The following PLEKHA5 variants were observed in gnomAD, a reference collection of about 807,000 sequenced individuals.
PLEKHA5 encodes pleckstrin homology domain-containing family A member 5.
A neutral mutation model predicts 181.9 loss-of-function variants in PLEKHA5; 55 were observed. The ratio of observed to expected loss-of-function variants is 0.30; its 90% CI spans 0.24 to 0.38. PLEKHA5 has a LOEUF of 0.38. Ranked by LOEUF, PLEKHA5 falls within the 10% of genes least tolerant of loss-of-function variation. The probability of loss-of-function intolerance (pLI) is 1.00; values close to 1 mark genes in which losing one functional copy is unlikely to be tolerated. For synonymous variants in PLEKHA5, 535 were observed against 529.4 expected (o/e 1.01, Z -0.15); for missense variants, 1,432 against 1,549.5 (o/e 0.92, Z 1.27).
chr12:19,133,822 A>G (rs1007210133), intron 3 of PLEKHA5, among the ~76,000 whole-genome samples: 1 of 152,030 alleles, frequency 6.6e-6, no homozygotes, highest in Non-Finnish European at 1.5e-5. Context: ...CTAAAAAAAT[A>G]CTTGAGTGAA....
chr12:19,245,957 A>T (rs2152484991), intron 3 of PLEKHA5, among the ~76,000 whole-genome samples: 1 of 151,028 alleles, frequency 6.6e-6, no homozygotes, highest in East Asian at 2.0e-4. Context: ...GGTTTAAAGA[A>T]TATATCTCAT....
intron 3 of PLEKHA5, among the ~76,000 whole-genome samples, chr12:19,146,668 C>T (rs2039001719): frequency 6.6e-6 from 1 of 152,082 alleles, no homozygotes; most frequent in African/African-American, 2.4e-5. Flanking sequence ...CAGTGGAAAG[C>T]CCAGTGTGCA....
At chr12:19,203,960 C>G (rs2054794486) in intron 3 of PLEKHA5, among the ~76,000 whole-genome samples, 1 of 152,050 alleles carries the variant, frequency 6.6e-6, no homozygotes, top group Admixed American at 6.6e-5. Context: ...ACCGCACCCC[C>G]ATACATACAG....
Position 19,269,852 on chromosome 12 carries a change from A to G in PLEKHA5, c.794A>G (p.Asp265Gly). 6.2e-7 allele frequency: 1 copy of G among 1,601,832 alleles called. No homozygotes were observed. The highest frequency in any genetic ancestry group is 8.6e-7 in the Non-Finnish European group (1 of 1,168,808). Residue 265 changes from aspartate to glycine, a missense_variant, in exon 9 of 32, where the codon GAT becomes GGT. By Grantham distance (94) the Asp-to-Gly change is moderately conservative. Around this residue, in one of 2 missense-constraint regions of PLEKHA5, gnomAD observed 289 missense variants for 381.1 expected, o/e 0.76. Coordinates refer to ENST00000429027, the MANE Select transcript of PLEKHA5 (RefSeq NM_001256470.2). ...GAGTTGTGGATGAAAGCCATGTTAGATGCTGCCCTAGTACAGACAGAACCT... is the reference window on the plus strand; with the variant it reads ...GAGTTGTGGATGAAAGCCATGTTAGGTGCTGCCCTAGTACAGACAGAACCT... ...EMELWMKAMLDAALVQTEPVK... is the reference protein window; with the variant it reads ...EMELWMKAMLGAALVQTEPVK...
chr12:19,355,090 G>A (rs2094851515), intron 26 of PLEKHA5, among the ~76,000 whole-genome samples: 1 of 152,096 alleles, frequency 6.6e-6, no homozygotes. Flanking sequence ...AGAAATGTGA[G>A]TTGGAACTAG....
rs747814408 is a variant in PLEKHA5 at position 19,359,397 on chromosome 12, A to G, written c.3349-15A>G. ...CACAGTATGAGTATAAAAATGCTAT[A>G]TGTCTTTTGAGCAGACTCGAAGGAG... is the stretch of plus-strand genomic sequence containing the variant. On this transcript the variant is annotated splice_polypyrimidine_tract_variant and intron_variant, in intron 27 of 31. Transcript: ENST00000429027. 4 of 1,609,428 alleles carry G rather than the reference A, an allele frequency of 2.5e-6. No homozygotes were observed. In the Admixed American group the frequency reaches 6.7e-5, roughly 27 times the overall value.
intron 3 of PLEKHA5, among the ~76,000 whole-genome samples, chr12:19,210,131 A>G (rs1027809195): frequency 6.6e-6 from 1 of 152,186 alleles, no homozygotes; most frequent in African/African-American, 2.4e-5. Flanking sequence ...TCAGTTATTT[A>G]GGGATGGACT....
intron 3 of PLEKHA5, among the ~76,000 whole-genome samples, chr12:19,243,992 G>C (rs1377899974): frequency 6.6e-6 from 1 of 152,012 alleles, no homozygotes; most frequent in East Asian, 1.9e-4. Flanking sequence ...ATTTCAACAG[G>C]ACATTTTTCT....
chr12:19,191,043 C>G (rs2050995494), intron 3 of PLEKHA5, among the ~76,000 whole-genome samples: 2 of 152,068 alleles, frequency 1.3e-5, no homozygotes, highest in African/African-American at 2.4e-5. Context: ...TTTTTTTTGA[C>G]CATGACTCGC....
chr12:19,252,894 T>C (rs373829721), intron 3 of PLEKHA5, among the ~76,000 whole-genome samples: 2 of 151,874 alleles, frequency 1.3e-5, no homozygotes, highest in African/African-American at 4.8e-5. Context: ...TTCTTTCCAT[T>C]TATGAATTTG....
At chr12:19,272,581 T>G (rs2073228698) in intron 10 of PLEKHA5, among the ~76,000 whole-genome samples, 2 of 151,776 alleles carry the variant, frequency 1.3e-5, no homozygotes, top group South Asian at 2.1e-4. Context: ...CTAAAAAAAT[T>G]TAAAAATTAG....
rs1002159922 is a variant in PLEKHA5, at chr12:19,195,769, G to T, written c.228-58171G>T. ...CTGCCTTTTAGGTATATATCTATGA[G>T]ATATATATATATACACATACATACA... On this transcript the variant is annotated intron_variant, in intron 3 of 31. Transcript: ENST00000429027. Among the ~76,000 whole-genome samples the T allele has an allele frequency of 3.4e-5, 5 of 149,032 alleles. No homozygotes were observed. In the East Asian group the frequency reaches 5.9e-4, roughly 18 times the overall value.
intron 15 of PLEKHA5, 46 bp downstream of exon 15, chr12:19,291,743 T>C: frequency 9.9e-7 from 1 of 1,005,370 alleles, no homozygotes; most frequent in Non-Finnish European, 1.5e-6. Context: ...TAATAGAACT[T>C]CTTAAATATA....
intron 15 of PLEKHA5, among the ~76,000 whole-genome samples, chr12:19,310,597 G>A (rs1238946952): frequency 3.2e-5 from 4 of 125,518 alleles, no homozygotes; most frequent in African/African-American, 8.6e-5. Context: ...GTGACAGAGC[G>A]AGACTCCCTC....
At chr12:19,274,426 C>T (rs913641861) in intron 10 of PLEKHA5, 90 bp from the exon 11 acceptor site, 8 of 874,172 alleles carry the variant, frequency 9.2e-6, no homozygotes, top group South Asian at 7.1e-5. Context: ...CCCCCACCCC[C>T]GTAAAGTATA....
rs150371033 is a variant in PLEKHA5, at chr12:19,299,527, A to G, written c.2037+7830A>G. ...TAGCAATATTCCTGGTCTCACATCT[A>G]GATTTCGTCACGTATCCCGTTTTAT... On this transcript the variant is annotated intron_variant, in intron 15 of 31. Coordinates refer to ENST00000429027, the MANE Select transcript of PLEKHA5 (RefSeq NM_001256470.2). 3.3e-5 allele frequency among the ~76,000 whole-genome samples: 5 copies of G among 152,330 alleles called. No homozygotes were observed. In the East Asian group the frequency reaches 7.7e-4, roughly 23 times the overall value.
At chr12:19,205,675 T>G (rs1438519266) in intron 3 of PLEKHA5, among the ~76,000 whole-genome samples, 1 of 152,138 alleles carries the variant, frequency 6.6e-6, no homozygotes, top group Admixed American at 6.6e-5. Flanking sequence ...TGATGATACT[T>G]TCTCATGTTC....
rs182746615 is a variant in PLEKHA5, at chr12:19,296,892, C to G, written c.2037+5195C>G. 1.5e-3 allele frequency among the ~76,000 whole-genome samples: 227 copies of G among 152,312 alleles called. 1 individual carries two copies. Among genetic ancestry groups the G allele is most frequent in the Middle Eastern group, 6.8e-3 (2 of 294 alleles). On this transcript the variant is annotated intron_variant, in intron 15 of 31. Transcript: ENST00000429027. The stretch of plus-strand genomic sequence containing the variant: ...AACGTGTTTCCCTCCATATTCCTCA[C>G]GTCTATTTTAGCTTTTCCTTCCATT...
chr12:19,322,807 C>T, intron 20 of PLEKHA5, 140 bp downstream of exon 20: 2 of 598,332 alleles, frequency 3.3e-6, no homozygotes, highest in Non-Finnish European at 5.8e-6. Context: ...TATTAGTGTG[C>T]TTCTGTTTAG....
Sources: allele counts gnomAD v4.1 joint callset (sites outside exome capture counted in the v4.1 genomes callset), GRCh38; gene constraint gnomAD v4.1.1; regional missense constraint gnomAD v4.1.1; transcripts MANE v1.5; gene names NCBI Gene and HGNC (gene_info 2026-07-23, HGNC 2026-07-21).